CEP135: variants seen among roughly 807,000 people sequenced by gnomAD.
CEP135 encodes the protein centrosomal protein 135.
A neutral mutation model predicts 157.3 loss-of-function variants in CEP135; 142 were observed. The ratio of observed to expected loss-of-function variants is 0.90; its 90% confidence interval spans 0.79 to 1.04. The LOEUF is 1.04. Among genes scored for constraint, CEP135 ranks in the 50% least tolerant of loss-of-function variants. The pLI is 0.00. For missense variants in CEP135, 1,317 were observed against 1,309.2 expected, an observed-to-expected ratio of 1.01 and a Z score of -0.09; for synonymous variants, 396 against 439.8, an observed-to-expected ratio of 0.90 and a Z score of 1.25.
chr4:55,959,591 A>G, intron 5 of CEP135, 91 bp from the exon 6 acceptor site: 1 of 1,094,054 alleles, frequency 9.1e-7, no homozygotes, highest in Non-Finnish European at 1.4e-6. Context: ...AGCTGAAAGT[A>G]TAGAATTTAT....
At chr4:56,003,810 T>C (rs1730261209) in intron 17 of CEP135, among the ~76,000 whole-genome samples, 1 of 152,048 alleles carries the variant, frequency 6.6e-6, no homozygotes, top group Non-Finnish European at 1.5e-5. Context: ...AGCCTTGACC[T>C]TTCAGACACA....
At chr4:55,991,211 C>A (rs1038285812) in intron 14 of CEP135, among the ~76,000 whole-genome samples, 2 of 152,068 alleles carry the variant, frequency 1.3e-5, no homozygotes, top group African/African-American at 4.8e-5. Flanking sequence ...CTCTTGACTT[C>A]ATGATATGCC....
chr4:55,960,962 C>T (rs1284123036), intron 6 of CEP135: 7 of 146,120 alleles, frequency 4.8e-5, no homozygotes, highest in South Asian at 2.2e-4. Flanking sequence ...CAAAAATTAG[C>T]TGAGGTTGTG....
At chr4:56,001,259 A>G (rs997829668) in intron 17 of CEP135, among the ~76,000 whole-genome samples, 1 of 152,098 alleles carries the variant, frequency 6.6e-6, no homozygotes, top group Non-Finnish European at 1.5e-5. Flanking sequence ...TTTTTGGCTT[A>G]ATGTAATCCC....
chr4:55,971,375 C>A lies in CEP135; in HGVS notation c.1216C>A (p.Leu406Ile), dbSNP rs1729021874. The change falls in exon 10 of 26, where the codon CTT becomes ATT. Residue 406 changes from leucine to isoleucine, a missense_variant. Leu to Ile is a conservative substitution (Grantham distance 5). Transcript: ENST00000257287. ...TCAGCTTGAACAAGAAAAGCAAAGA[C>A]TTAGCAAAAAAGTTGAAAGTTTTGC... ...VHQLEQEKQR[L>I]SKKVESFAVT... The A allele has an allele frequency of 1.3e-6, 2 of 1,598,094 alleles. No homozygotes were observed. The highest frequency in any genetic ancestry group is 2.7e-5 in the African/African-American group (2 of 73,960).
chr4:55,984,180 A>C (rs1410193237), intron 13 of CEP135, among the ~76,000 whole-genome samples: 1 of 152,196 alleles, frequency 6.6e-6, no homozygotes, highest in African/African-American at 2.4e-5. Context: ...GCCTTTGCCT[A>C]CCTGAAGGTC....
In CEP135 at chr4:55,959,770, G is replaced by T. The variant is rs1202181867; in HGVS notation, c.699+4G>T. ...GGTGAGAGACTATAGCAAGCAGGTAGGATTTTTATTTACTTGCATAGTAGG... is the reference window on the plus strand; with the variant it reads ...GGTGAGAGACTATAGCAAGCAGGTATGATTTTTATTTACTTGCATAGTAGG... On this transcript the variant is annotated splice_donor_region_variant and intron_variant, in intron 6 of 25. Coordinates refer to ENST00000257287, the MANE Select transcript of CEP135 (RefSeq NM_025009.5). 4.4e-6 allele frequency: 7 copies of T among 1,607,562 alleles called. No individual in the cohort carries two copies. Among genetic ancestry groups the T allele is most frequent in the Admixed American group, 1.7e-5 (1 of 59,998 alleles).
At chr4:56,027,756 T>A (rs895660521) in intron 25 of CEP135, among the ~76,000 whole-genome samples, 2 of 152,120 alleles carry the variant, frequency 1.3e-5, no homozygotes, top group Non-Finnish European at 1.5e-5. Context: ...GGCATGGTCA[T>A]AGCTCACTGA....
intron 21 of CEP135, among the ~76,000 whole-genome samples, chr4:56,016,913 A>G (rs1730795566): frequency 6.6e-6 from 1 of 152,044 alleles, no homozygotes; most frequent in Non-Finnish European, 1.5e-5. Flanking sequence ...GGCTCAAGTG[A>G]TCCTCCCACC....
intron 25 of CEP135, among the ~76,000 whole-genome samples, chr4:56,029,258 C>T (rs1372128584): frequency 3.9e-5 from 6 of 152,170 alleles, no homozygotes; most frequent in Non-Finnish European, 8.8e-5. Flanking sequence ...ATGCAGGTAT[C>T]ACTAAGTAGA....
chr4:56,001,831 T>G (rs970021244), intron 17 of CEP135, among the ~76,000 whole-genome samples: 2 of 152,142 alleles, frequency 1.3e-5, no homozygotes, highest in Admixed American at 1.3e-4. Flanking sequence ...TGTAAATTGC[T>G]TTGGGTATTA....
intron 4 of CEP135, 97 bp downstream of exon 4, chr4:55,954,480 G>A (rs1728451249): frequency 1.5e-5 from 16 of 1,047,804 alleles, no homozygotes; most frequent in African/African-American, 1.6e-5. Flanking sequence ...GGATTTTCAT[G>A]CTTAGACTTT....
intron 15 of CEP135, among the ~76,000 whole-genome samples, chr4:55,994,948 A>G (rs530870213): frequency 6.6e-6 from 1 of 152,280 alleles, no homozygotes; most frequent in Admixed American, 6.5e-5. Flanking sequence ...GGCCTCCCAA[A>G]GTGCTGGGAT....
At chr4:55,955,720 G>A (rs766415998) in intron 4 of CEP135, among the ~76,000 whole-genome samples, 1 of 152,144 alleles carries the variant, frequency 6.6e-6, no homozygotes, top group African/African-American at 2.4e-5. Flanking sequence ...CTTCTCTTTC[G>A]AGTGAATGAG....
intron 17 of CEP135, among the ~76,000 whole-genome samples, chr4:56,005,074 C>T (rs971341413): frequency 6.6e-6 from 1 of 151,814 alleles, no homozygotes; most frequent in African/African-American, 2.4e-5. Context: ...ACTGTGGTTA[C>T]CATGAAGCTT....
chr4:56,021,977 C>G (rs911174522), intron 24 of CEP135, among the ~76,000 whole-genome samples: 1 of 152,156 alleles, frequency 6.6e-6, no homozygotes, highest in African/African-American at 2.4e-5. Context: ...CTGCAATGAG[C>G]TGTGATCGTG....
At chr4:56,010,944 C>G (rs1485676701) in intron 19 of CEP135, among the ~76,000 whole-genome samples, 1 of 151,982 alleles carries the variant, frequency 6.6e-6, no homozygotes, top group East Asian at 1.9e-4. Flanking sequence ...GTTAAAAAGT[C>G]AGTATCAGAC....
intron 6 of CEP135, among the ~76,000 whole-genome samples, chr4:55,962,605 T>A (rs139233561): frequency 3.9e-5 from 6 of 152,348 alleles, no homozygotes; most frequent in African/African-American, 1.4e-4. Context: ...AATTGCTAGA[T>A]CCAAAAGGAT....
chr4:55,980,586 AT>A (rs760056519), intron 12 of CEP135, among the ~76,000 whole-genome samples: 25 of 152,158 alleles, frequency 1.6e-4, no homozygotes, highest in Non-Finnish European at 2.8e-4. Context: ...TCTGAGCCAA[AT>A]TTATGCTTGG....
Sources: allele counts gnomAD v4.1 joint callset (sites outside exome capture counted in the v4.1 genomes callset), GRCh38; gene constraint gnomAD v4.1.1; transcripts MANE v1.5; gene names NCBI Gene and HGNC (gene_info 2026-07-23, HGNC 2026-07-21).